The following PDS5B variants were observed in gnomAD, a reference collection of about 807,000 sequenced individuals.
PDS5B encodes PDS5 cohesin associated factor B.
Under a neutral mutation model 184.1 loss-of-function variants are expected in PDS5B, and 51 were observed. The observed-to-expected ratio is 0.28, with a 90% CI of 0.22 to 0.35. The LOEUF (loss-of-function observed/expected upper bound fraction) is 0.35, where lower values mean the gene tolerates loss of function less well. Among genes scored for constraint, PDS5B ranks in the 10% least tolerant of loss-of-function variants. The pLI, the probability that PDS5B is intolerant of heterozygous loss-of-function variation, is 1.00. For synonymous variants in PDS5B, 566 were observed against 569.2 expected, an observed-to-expected ratio of 0.99 and a Z score of 0.08; for missense variants, 1,180 against 1,723.3, an observed-to-expected ratio of 0.68 and a Z score of 5.58.
chr13:32,712,611 C>A (rs9596109), intron 19 of PDS5B, among the ~76,000 whole-genome samples: 58,266 of 151,988 alleles, frequency 0.38, 11,640 homozygotes, highest in Non-Finnish European at 0.44. Flanking sequence ...CAGATGTGCC[C>A]TTAAGACTCT....
At chr13:32,766,689 A>C (rs569057363) in intron 31 of PDS5B, among the ~76,000 whole-genome samples, 1 of 152,336 alleles carries the variant, frequency 6.6e-6, no homozygotes, top group Admixed American at 6.5e-5. Flanking sequence ...TAGCTTTATA[A>C]ATAAAATATT....
At chr13:32,666,565 G>A (rs1167907676) in intron 6 of PDS5B, among the ~76,000 whole-genome samples, 1 of 151,408 alleles carries the variant, frequency 6.6e-6, no homozygotes, top group Non-Finnish European at 1.5e-5. Context: ...AATAGCACAT[G>A]TATCCCCAGA....
intron 31 of PDS5B, among the ~76,000 whole-genome samples, chr13:32,765,336 C>T (rs2141025419): frequency 6.6e-6 from 1 of 152,248 alleles, no homozygotes; most frequent in East Asian, 1.9e-4. Context: ...AGTGACTTAG[C>T]CAAAATGAAT....
At chr13:32,615,735 C>T (rs1002184334) in intron 1 of PDS5B, among the ~76,000 whole-genome samples, 4 of 152,064 alleles carry the variant, frequency 2.6e-5, no homozygotes, top group Non-Finnish European at 5.9e-5. Flanking sequence ...GGACATGTTG[C>T]TTCTCTTAAT....
intron 1 of PDS5B, among the ~76,000 whole-genome samples, chr13:32,589,705 G>A (rs577449064): frequency 1.3e-5 from 2 of 152,206 alleles, no homozygotes; most frequent in African/African-American, 4.8e-5. Flanking sequence ...CGTTTTACTT[G>A]GTTTTCGTAT....
intron 1 of PDS5B, among the ~76,000 whole-genome samples, chr13:32,625,925 GC>G (rs1276814430): frequency 6.7e-6 from 1 of 149,650 alleles, no homozygotes; most frequent in Non-Finnish European, 1.5e-5. Flanking sequence ...TGTAGCCTTT[GC>G]CTCCTGGATT....
At chr13:32,665,588 CAAAA>C (rs34604938) in intron 6 of PDS5B, among the ~76,000 whole-genome samples, 15 of 25,876 alleles carry the variant, frequency 5.8e-4, no homozygotes, top group African/African-American at 8.4e-4. Context: ...GACTCCGACT[CAAAA>C]AAAAAAAAAA....
In PDS5B at chr13:32,673,898, C is replaced by T. The variant is rs1005268938; in HGVS notation, c.846+542C>T. Among the ~76,000 whole-genome samples the T allele has an allele frequency of 3.3e-5, 5 of 152,134 alleles. No homozygotes were observed. The East Asian group carries it at 9.7e-4, about 29-fold the overall frequency. On this transcript the variant is annotated intron_variant, in intron 8 of 34. Coordinates refer to ENST00000315596, the MANE Select transcript of PDS5B (RefSeq NM_015032.4). ...TGGTGTGATCTTGGCTCACTGCAAC[C>T]TGTGCCTCTCGGGATCAAGCTACTC...
At chr13:32,711,830 A>G (rs1952214707) in intron 19 of PDS5B, among the ~76,000 whole-genome samples, 1 of 152,194 alleles carries the variant, frequency 6.6e-6, no homozygotes, top group South Asian at 2.1e-4. Context: ...TTATGTATAA[A>G]CTGTATATAA....
chr13:32,635,798 T>G (rs568728053), intron 1 of PDS5B, among the ~76,000 whole-genome samples: 3 of 147,810 alleles, frequency 2.0e-5, no homozygotes, highest in African/African-American at 7.5e-5. Flanking sequence ...GGCAGAGTCT[T>G]GCTCTGTCGC....
Position 32,775,492 on chromosome 13 carries a change from GA to G in PDS5B, c.*448del, listed in dbSNP as rs1052253711. 104 of 349,796 alleles carry G rather than the reference GA, an allele frequency of 3.0e-4. No homozygotes were observed. The highest frequency in any genetic ancestry group is 2.0e-3 in the African/African-American group (92 of 46,172). 21.7% of individuals were successfully genotyped at this position (349,796 alleles called of 1,614,324 possible). On this transcript the variant is annotated 3_prime_UTR_variant, in exon 35 of 35. Transcript: ENST00000315596. ...TTTGTATTCTCTGCAATTTTACTGTGAAAAAAAATTTGTTTTCAACAATTGG... is the reference window on the plus strand; with the variant it reads ...TTTGTATTCTCTGCAATTTTACTGTGAAAAAAATTTGTTTTCAACAATTGG...
intron 1 of PDS5B, among the ~76,000 whole-genome samples, chr13:32,633,599 G>A (rs1325498618): frequency 1.3e-5 from 2 of 152,088 alleles, no homozygotes; most frequent in African/African-American, 4.8e-5. Flanking sequence ...TATATCAAGT[G>A]TTTATGTACT....
At chr13:32,609,118 T>C (rs1192346374) in intron 1 of PDS5B, among the ~76,000 whole-genome samples, 1 of 152,228 alleles carries the variant, frequency 6.6e-6, no homozygotes, top group East Asian at 1.9e-4. Flanking sequence ...ATAAAGGTGG[T>C]TGGAAAATTG....
At chr13:32,718,769 T>G (rs553930970) in intron 19 of PDS5B, among the ~76,000 whole-genome samples, 1 of 152,316 alleles carries the variant, frequency 6.6e-6, no homozygotes, top group Admixed American at 6.5e-5. Flanking sequence ...AATGAGTATG[T>G]AAAAATCCAA....
chr13:32,590,918 C>T (rs575592844), intron 1 of PDS5B, among the ~76,000 whole-genome samples: 2 of 149,436 alleles, frequency 1.3e-5, no homozygotes, highest in African/African-American at 5.0e-5. Context: ...AATAGAGTAC[C>T]TAAAGAATTG....
intron 20 of PDS5B, among the ~76,000 whole-genome samples, chr13:32,733,531 G>A (rs542922842): frequency 1.3e-5 from 2 of 152,288 alleles, no homozygotes; most frequent in South Asian, 4.1e-4. Context: ...ATAGCAAGAA[G>A]TAAACTCATT....
chr13:32,660,804 C>T (rs1424508383), intron 6 of PDS5B, among the ~76,000 whole-genome samples: 3 of 151,938 alleles, frequency 2.0e-5, no homozygotes, highest in African/African-American at 7.3e-5. Context: ...TCCAAACTTC[C>T]TGTCTCTAAG....
Position 32,651,801 on chromosome 13 carries a change from T to C in PDS5B, c.109-3T>C. 1 of 1,571,852 alleles carries C rather than the reference T, an allele frequency of 6.4e-7. No individual in the cohort carries two copies. The highest frequency in any genetic ancestry group is 8.7e-7 in the Non-Finnish European group (1 of 1,144,156). On this transcript the variant is annotated splice_region_variant and splice_polypyrimidine_tract_variant and intron_variant, in intron 2 of 34. Transcript: ENST00000315596. ...CATTATTTGATTTTTTATTTTTGTATAGATGGTTGTGAAAACTTTTATGGA... is the reference window on the plus strand; with the variant it reads ...CATTATTTGATTTTTTATTTTTGTACAGATGGTTGTGAAAACTTTTATGGA...
chr13:32,652,048 T>G (rs1383081339), intron 3 of PDS5B, 41 bp downstream of exon 3: 1 of 1,323,776 alleles, frequency 7.6e-7, no homozygotes, highest in Non-Finnish European at 1.1e-6. Context: ...GACCGATACT[T>G]TGATTTATCT....
Sources: gnomAD v4.1 joint callset for allele counts (sites outside exome capture counted in the v4.1 genomes callset) on GRCh38, gnomAD v4.1.1 for gene constraint, MANE v1.5 for transcripts, NCBI Gene and HGNC (gene_info 2026-07-23, HGNC 2026-07-21) for gene names.